NPFFR2: variants seen among roughly 807,000 people sequenced by gnomAD.
NPFFR2 encodes G-protein coupled receptor 74.
A neutral mutation model predicts 13.1 loss-of-function variants in NPFFR2; 15 were observed. The observed-to-expected ratio is 1.15, with a 90% CI of 0.77 to 1.76. NPFFR2 has a LOEUF of 1.76. Ranked by LOEUF, NPFFR2 falls within the 40% of genes most tolerant of loss-of-function variation. The probability of loss-of-function intolerance (pLI) is 0.00; values close to 1 mark genes in which losing one functional copy is unlikely to be tolerated. For missense variants in NPFFR2, 572 were observed against 503.5 expected (o/e 1.14, Z -1.30); for synonymous variants, 190 against 175.7 (o/e 1.08, Z -0.65).
At chr4:72,041,887 C>A (rs1339479064) in intron 1 of NPFFR2, among the ~76,000 whole-genome samples, 1 of 151,982 alleles carries the variant, frequency 6.6e-6, no homozygotes, top group South Asian at 2.1e-4. Flanking sequence ...GGATATTAGA[C>A]CTTTGTTGGA....
chr4:72,089,874 C>T (rs28861082), intron 1 of NPFFR2, among the ~76,000 whole-genome samples: 3,244 of 152,024 alleles, frequency 0.021, 100 homozygotes, highest in African/African-American at 0.063. Flanking sequence ...CTTTTGGGTT[C>T]TTGGCCATGA....
At chr4:72,128,543 G>C (rs1480209066) in intron 1 of NPFFR2, 42 bp from the exon 2 acceptor site, 1 of 1,249,336 alleles carries the variant, frequency 8.0e-7, no homozygotes, top group Non-Finnish European at 1.1e-6. Context: ...TGCTTTACTG[G>C]TTCCTAATTA....
chr4:72,122,245 T>G (rs1721904900), intron 1 of NPFFR2, among the ~76,000 whole-genome samples: 1 of 152,088 alleles, frequency 6.6e-6, no homozygotes, highest in African/African-American at 2.4e-5. Context: ...GCACCCAGAT[T>G]CATAAAACAA....
rs185666181 is a variant in NPFFR2, at chr4:72,120,479, G to A, written c.-7-8106G>A. On this transcript the variant is annotated intron_variant, in intron 1 of 3. Transcript: ENST00000308744. Reference sequence around the variant, plus strand: ...TGACTGGGAGACACCTCCCAGCAAGGGTTGACAGACACCTCAAACAGGAGA... The same window carrying A: ...TGACTGGGAGACACCTCCCAGCAAGAGTTGACAGACACCTCAAACAGGAGA... 4.3e-4 allele frequency among the ~76,000 whole-genome samples: 65 copies of A among 152,320 alleles called. 1 individual carries two copies. The highest frequency in any genetic ancestry group is 1.3e-3 in the African/African-American group (54 of 41,588).
chr4:72,063,523 A>G (rs1314589617), intron 1 of NPFFR2, among the ~76,000 whole-genome samples: 3 of 152,228 alleles, frequency 2.0e-5, no homozygotes, highest in Non-Finnish European at 4.4e-5. Flanking sequence ...TACTCTGAGG[A>G]TAAGTAGGAT....
intron 1 of NPFFR2, among the ~76,000 whole-genome samples, chr4:72,053,342 T>G (rs911237404): frequency 6.6e-6 from 1 of 151,708 alleles, no homozygotes; most frequent in African/African-American, 2.4e-5. Context: ...ATGGAAGAGA[T>G]AATGAGAGAA....
chr4:72,122,621 T>C (rs1237148983), intron 1 of NPFFR2, among the ~76,000 whole-genome samples: 1 of 152,186 alleles, frequency 6.6e-6, no homozygotes, highest in Non-Finnish European at 1.5e-5. Context: ...CACAACTACA[T>C]AGAAACCGAA....
intron 1 of NPFFR2, among the ~76,000 whole-genome samples, chr4:72,101,496 TAGAAG>T (rs1374165291): frequency 1.3e-5 from 2 of 151,498 alleles, no homozygotes; most frequent in Non-Finnish European, 2.9e-5. Flanking sequence ...TTATATATAA[TAGAAG>T]AGATACTATA....
intron 1 of NPFFR2, among the ~76,000 whole-genome samples, chr4:72,115,863 T>G (rs1459881434): frequency 1.3e-5 from 2 of 152,220 alleles, no homozygotes; most frequent in East Asian, 3.8e-4. Flanking sequence ...TAAAAGGTAT[T>G]GTTGCATTAA....
chr4:72,083,632 G>A (rs1578444116), intron 1 of NPFFR2, among the ~76,000 whole-genome samples: 1 of 152,024 alleles, frequency 6.6e-6, no homozygotes, highest in East Asian at 1.9e-4. Context: ...AATATTGCAG[G>A]ACTCTGAGCT....
At chr4:72,105,741 T>C (rs1346572442) in intron 1 of NPFFR2, among the ~76,000 whole-genome samples, 2 of 151,968 alleles carry the variant, frequency 1.3e-5, no homozygotes, top group Admixed American at 1.3e-4. Context: ...ACAAATACAA[T>C]ATAACCTTAA....
At chr4:72,049,330 C>A (rs921044322) in intron 1 of NPFFR2, among the ~76,000 whole-genome samples, 1 of 152,080 alleles carries the variant, frequency 6.6e-6, no homozygotes, top group African/African-American at 2.4e-5. Context: ...GGAGCATCAA[C>A]TTAGTGTCCT....
rs571279028 is a variant in NPFFR2 at position 72,104,213 on chromosome 4, A to C, written c.-7-24372A>C. 3.4e-4 allele frequency among the ~76,000 whole-genome samples: 51 copies of C among 152,104 alleles called. 1 individual carries two copies. Among genetic ancestry groups the C allele is most frequent in the Non-Finnish European group, 1.9e-4 (13 of 68,010 alleles). On this transcript the variant is annotated intron_variant, in intron 1 of 3. Transcript: ENST00000308744. ...AACATTCTTTCACAAGAAATAGAGA[A>C]GCTACCATGATAATAAAAGCTCTTT... is the stretch of plus-strand genomic sequence containing the variant.
intron 1 of NPFFR2, chr4:72,068,861 C>CTT: frequency 4.9e-6 from 2 of 408,250 alleles, no homozygotes; most frequent in South Asian, 7.0e-5. Flanking sequence ...TTTATCTTAT[C>CTT]TTTTTTCCTG....
At chr4:72,116,411 A>G (rs1211967123) in intron 1 of NPFFR2, among the ~76,000 whole-genome samples, 1 of 151,626 alleles carries the variant, frequency 6.6e-6, no homozygotes, top group Non-Finnish European at 1.5e-5. Context: ...ACTGGGGACT[A>G]CTAGATGGGA....
chr4:72,055,791 T>C (rs1339381742), intron 1 of NPFFR2, among the ~76,000 whole-genome samples: 1 of 151,926 alleles, frequency 6.6e-6, no homozygotes, highest in Non-Finnish European at 1.5e-5. Context: ...ATGGCTGATA[T>C]GGAGAAAGTC....
chr4:72,126,213 C>T (rs934812953), intron 1 of NPFFR2, among the ~76,000 whole-genome samples: 1 of 152,140 alleles, frequency 6.6e-6, no homozygotes, highest in Non-Finnish European at 1.5e-5. Context: ...CCAGTTTTTT[C>T]ACTGAAAAGT....
intron 1 of NPFFR2, among the ~76,000 whole-genome samples, chr4:72,090,494 T>A (rs1486897684): frequency 6.6e-6 from 1 of 152,156 alleles, no homozygotes; most frequent in Non-Finnish European, 1.5e-5. Context: ...CATCTATTAT[T>A]TCTTTCAGCA....
intron 1 of NPFFR2, among the ~76,000 whole-genome samples, chr4:72,049,796 G>A (rs371248850): frequency 2.7e-4 from 41 of 151,608 alleles, no homozygotes; most frequent in African/African-American, 9.5e-4. Context: ...GTAAGTGCTA[G>A]TGATAAGAGC....
Sources: gnomAD v4.1 joint callset for allele counts (sites outside exome capture counted in the v4.1 genomes callset) on GRCh38, gnomAD v4.1.1 for gene constraint, MANE v1.5 for transcripts, NCBI Gene and HGNC (gene_info 2026-07-23, HGNC 2026-07-21) for gene names.